KCMF1: variants seen among roughly 807,000 people sequenced by gnomAD.
KCMF1 encodes E3 ubiquitin-protein ligase KCMF1.
KCMF1 carries 3 observed loss-of-function variants against 41.1 expected under a neutral mutation model. The ratio of observed to expected loss-of-function variants is 0.07; its 90% CI spans 0.03 to 0.19. The LOEUF is 0.19. Ranked by LOEUF, KCMF1 falls within the 10% of genes least tolerant of loss-of-function variation. The probability of loss-of-function intolerance (pLI) is 1.00; values close to 1 mark genes in which losing one functional copy is unlikely to be tolerated. For synonymous variants in KCMF1, 142 were observed against 164.5 expected, an observed-to-expected ratio of 0.86 and a Z score of 1.04; for missense variants, 286 against 488.9, an observed-to-expected ratio of 0.58 and a Z score of 3.91.
chr2:85,017,012 CTTTTTTTTTTT>C (rs768880385), intron 1 of KCMF1, among the ~76,000 whole-genome samples: 1 of 99,526 alleles, frequency 1.0e-5, no homozygotes, highest in Non-Finnish European at 1.9e-5. Flanking sequence ...AGATCCTCTT[CTTTTTTTTTTT>C]TTTTTTTTTT....
intron 1 of KCMF1, among the ~76,000 whole-genome samples, chr2:85,002,666 G>T (rs1674363496): frequency 6.6e-6 from 1 of 151,712 alleles, no homozygotes; most frequent in Non-Finnish European, 1.5e-5. Flanking sequence ...AGGATACCAG[G>T]TTGCATTTAG....
intron 1 of KCMF1, among the ~76,000 whole-genome samples, chr2:84,974,213 A>C (rs1441070575): frequency 6.6e-6 from 1 of 152,156 alleles, no homozygotes; most frequent in Non-Finnish European, 1.5e-5. Flanking sequence ...TCCTTTCAGT[A>C]GTGTGATCCT....
Position 84,993,438 on chromosome 2 carries a change from A to T in KCMF1, c.16+21971A>T, listed in dbSNP as rs561355462. Among the ~76,000 whole-genome samples the T allele has an allele frequency of 2.6e-5, 4 of 151,882 alleles. No individual in the cohort carries two copies. The East Asian group carries it at 7.8e-4, about 29-fold the overall frequency. ...GATAATCACTTTTTTCTGTTGGGAGATAATTTGTTTTGTATGGACCGAGAT... is the reference window on the plus strand; with the variant it reads ...GATAATCACTTTTTTCTGTTGGGAGTTAATTTGTTTTGTATGGACCGAGAT... On this transcript the variant is annotated intron_variant, in intron 1 of 6. Coordinates refer to ENST00000409785, the MANE Select transcript of KCMF1 (RefSeq NM_020122.5).
At chr2:84,976,889 T>C (rs1315721395) in intron 1 of KCMF1, among the ~76,000 whole-genome samples, 1 of 152,168 alleles carries the variant, frequency 6.6e-6, no homozygotes, top group African/African-American at 2.4e-5. Flanking sequence ...TTGGCAAAAA[T>C]TGTATATATT....
At chr2:85,035,874 A>G (rs1056095550) in intron 3 of KCMF1, among the ~76,000 whole-genome samples, 18 of 152,236 alleles carry the variant, frequency 1.2e-4, no homozygotes, top group African/African-American at 3.9e-4. Context: ...ATATGGAACT[A>G]TAGATACTGA....
chr2:85,007,923 G>C (rs932773225), intron 1 of KCMF1, among the ~76,000 whole-genome samples: 1 of 151,956 alleles, frequency 6.6e-6, no homozygotes, highest in Non-Finnish European at 1.5e-5. Context: ...ACCACGCCTG[G>C]CTAATTTTTT....
At chr2:85,010,794 A>G (rs1343840769) in intron 1 of KCMF1, among the ~76,000 whole-genome samples, 1 of 150,712 alleles carries the variant, frequency 6.6e-6, no homozygotes, top group Admixed American at 6.6e-5. Context: ...ATTCCTTTAT[A>G]TCAGTATGGA....
chr2:84,982,625 C>T (rs988691229), intron 1 of KCMF1, among the ~76,000 whole-genome samples: 1 of 151,902 alleles, frequency 6.6e-6, no homozygotes, highest in Non-Finnish European at 1.5e-5. Flanking sequence ...TCCTGGACTC[C>T]TGACCTCAGG....
At chr2:85,047,712 C>G (rs1675707204) in intron 5 of KCMF1, among the ~76,000 whole-genome samples, 1 of 151,840 alleles carries the variant, frequency 6.6e-6, no homozygotes, top group Admixed American at 6.6e-5. Context: ...CAAGAAATCA[C>G]TGTAGCCTGA....
chr2:85,040,941 T>C (rs1473375102), intron 3 of KCMF1, among the ~76,000 whole-genome samples: 1 of 152,030 alleles, frequency 6.6e-6, no homozygotes, highest in Non-Finnish European at 1.5e-5. Context: ...TTGTATTTTT[T>C]AGTAGAGATG....
chr2:84,979,899 C>T (rs191800569), intron 1 of KCMF1, among the ~76,000 whole-genome samples: 3 of 151,938 alleles, frequency 2.0e-5, no homozygotes, highest in Non-Finnish European at 2.9e-5. Flanking sequence ...CTCGGCTCAC[C>T]GCAACCTCTG....
chr2:85,045,252 ATATG>A (rs1675635882), intron 4 of KCMF1, among the ~76,000 whole-genome samples: 3 of 151,692 alleles, frequency 2.0e-5, no homozygotes. Flanking sequence ...ATACATATAT[ATATG>A]TATATATAAT....
At chr2:85,034,406 C>T (rs1211834643) in intron 2 of KCMF1, among the ~76,000 whole-genome samples, 1 of 151,930 alleles carries the variant, frequency 6.6e-6, no homozygotes, top group Non-Finnish European at 1.5e-5. Flanking sequence ...AGTGTTGCCC[C>T]AGTATATACA....
intron 1 of KCMF1, among the ~76,000 whole-genome samples, chr2:85,011,686 C>T (rs1674656041): frequency 6.6e-6 from 1 of 152,130 alleles, no homozygotes; most frequent in Non-Finnish European, 1.5e-5. Flanking sequence ...CTGACCTCTT[C>T]CCATTTTTTT....
In KCMF1 at chr2:85,058,845, A is replaced by T. The variant is rs928086540; in HGVS notation, c.*5436A>T. 1 of 152,180 alleles carries T rather than the reference A, an allele frequency of 6.6e-6. No individual in the cohort carries two copies. Among genetic ancestry groups the T allele is most frequent in the East Asian group, 1.9e-4 (1 of 5,200 alleles). 9.4% of individuals were successfully genotyped at this position (152,180 alleles called of 1,614,324 possible). On this transcript the variant is annotated 3_prime_UTR_variant, in exon 7 of 7. Transcript: ENST00000409785. ...TGACAGCATTTGGAATCTGCCTCAC[A>T]CATAAGAGATCCATATTCATTTAAT... is the stretch of plus-strand genomic sequence containing the variant.
chr2:84,975,121 G>T (rs1201832144), intron 1 of KCMF1, among the ~76,000 whole-genome samples: 1 of 152,052 alleles, frequency 6.6e-6, no homozygotes, highest in East Asian at 1.9e-4. Flanking sequence ...GCTGGTGGTG[G>T]ACCGGCCGTG....
intron 1 of KCMF1, among the ~76,000 whole-genome samples, chr2:85,018,263 C>A (rs1176056549): frequency 6.7e-6 from 1 of 148,370 alleles, no homozygotes; most frequent in African/African-American, 2.5e-5. Flanking sequence ...TATGACTAAG[C>A]TAGATTTTTT....
intron 3 of KCMF1, among the ~76,000 whole-genome samples, chr2:85,041,259 A>G (rs1355227837): frequency 6.6e-6 from 1 of 152,226 alleles, no homozygotes; most frequent in Non-Finnish European, 1.5e-5. Context: ...CTGCAATGAA[A>G]TAAAAAAGAT....
Position 85,057,072 on chromosome 2 carries a change from G to T in KCMF1, c.*3663G>T, listed in dbSNP as rs892951298. 6.6e-6 allele frequency: 1 copy of T among 152,300 alleles called. No homozygotes were observed. The highest frequency in any genetic ancestry group is 2.4e-5 in the African/African-American group (1 of 41,508). 9.4% of individuals were successfully genotyped at this position (152,300 alleles called of 1,614,324 possible). A position where few individuals can be genotyped will look rare whatever the true frequency, so the allele number is the denominator to read the frequency against. On this transcript the variant is annotated 3_prime_UTR_variant, in exon 7 of 7. Coordinates refer to ENST00000409785, the MANE Select transcript of KCMF1 (RefSeq NM_020122.5). ...GGCACCTGTAATCCCAGCTACTCGG[G>T]AGGCTGAGGCAGGAGAATCGCTTGA... is the stretch of plus-strand genomic sequence containing the variant.
Sources: allele counts gnomAD v4.1 joint callset (sites outside exome capture counted in the v4.1 genomes callset), GRCh38; gene constraint gnomAD v4.1.1; transcripts MANE v1.5; gene names NCBI Gene and HGNC (gene_info 2026-07-23, HGNC 2026-07-21).